Variants in SEC14L1 observed in about 807,000 individuals in gnomAD.
The protein encoded by SEC14L1 is SEC14-like protein 1.
In SEC14L1, 48 loss-of-function variants were observed where a neutral mutation model predicts 85.3. That is an observed-to-expected ratio of 0.56 (90% CI 0.45 to 0.72). The LOEUF (loss-of-function observed/expected upper bound fraction) is 0.72. Ranked by LOEUF, SEC14L1 falls within the 30% of genes least tolerant of loss-of-function variation. The pLI is 0.00. For missense variants in SEC14L1, 682 were observed against 921.4 expected (o/e 0.74, Z 3.36); for synonymous variants, 391 against 355.5 (o/e 1.10, Z -1.12).
At chr17:77,138,362 C>T (rs963952894), upstream of SEC14L1, among the ~76,000 whole-genome samples, 7 of 152,122 alleles carry the variant, frequency 4.6e-5, no homozygotes, top group Non-Finnish European at 1.0e-4. Context: ...TGGTTCACTC[C>T]TGTAATACCA....
chr17:77,172,858 G>C (rs1401323002), intron 3 of SEC14L1, among the ~76,000 whole-genome samples: 1 of 152,094 alleles, frequency 6.6e-6, no homozygotes, highest in East Asian at 1.9e-4. Context: ...GTTCTCCAAG[G>C]TCTTGCATAT....
At chr17:77,154,054 G>T (rs1441583208) in intron 3 of SEC14L1, among the ~76,000 whole-genome samples, 2 of 152,168 alleles carry the variant, frequency 1.3e-5, no homozygotes, top group Non-Finnish European at 2.9e-5. Context: ...GATCAGAAAT[G>T]TTCAGGAAAA....
At chr17:77,208,888 AC>A (rs1340231569) in intron 13 of SEC14L1, among the ~76,000 whole-genome samples, 1 of 152,206 alleles carries the variant, frequency 6.6e-6, no homozygotes, top group Non-Finnish European at 1.5e-5. Flanking sequence ...GGTGTTATAG[AC>A]CAGTCATTTG....
intron 4 of SEC14L1, 87 bp downstream of exon 4, chr17:77,191,039 G>C: frequency 6.4e-7 from 1 of 1,561,180 alleles, no homozygotes; most frequent in Non-Finnish European, 8.7e-7. Flanking sequence ...TGGAGGGAGA[G>C]GGCATCCTGG....
chr17:77,214,160 C>T lies in SEC14L1; in HGVS notation c.*137C>T, dbSNP rs530173919. On this transcript the variant is annotated 3_prime_UTR_variant, in exon 17 of 17. Transcript: ENST00000436233. The stretch of plus-strand genomic sequence containing the variant: ...TAGCAAATAGCTCTCAGATGGTAAA[C>T]GTAGTCGTTTGATCCCAAAACTACC... 529 of 1,433,918 alleles carry T rather than the reference C, an allele frequency of 3.7e-4. 7 individuals carry two copies. In the South Asian group the frequency reaches 7.3e-3, roughly 20 times the overall value. The allele number at this position is 1,433,918 out of a possible 1,614,324, so 88.8% of individuals were successfully genotyped here.
At position 77,213,978 on chromosome 17, in the gene SEC14L1, C is replaced by T. The variant is rs1367516632; in HGVS notation, c.2103C>T (p.Thr701=). The change falls in exon 17 of 17, where the codon ACC becomes ACT. Residue 701 remains threonine, a synonymous_variant. Coordinates refer to ENST00000436233, the MANE Select transcript of SEC14L1 (RefSeq NM_001143998.2). This position sits in a 1 kb window ranked among gnomAD's most constrained non-coding sequence, Gnocchi z 7.1. ...GCTTCTCCCAGCTGAGTGCCGCCAC[C>T]ACCTCCTCCAGCCAGTCCCACTCCA... ...HSGFSQLSAA[T]TSSSQSHSSS... 9 of 1,613,392 alleles carry T rather than the reference C, an allele frequency of 5.6e-6. No individual in the cohort carries two copies. The highest frequency in any genetic ancestry group is 7.6e-6 in the Non-Finnish European group (9 of 1,179,978).
At chr17:77,164,046 G>A (rs1011818947) in intron 3 of SEC14L1, among the ~76,000 whole-genome samples, 1 of 152,228 alleles carries the variant, frequency 6.6e-6, no homozygotes, top group Non-Finnish European at 1.5e-5. Flanking sequence ...TGCTTGTGTG[G>A]CAATATCTTG....
chr17:77,158,807 T>TC (rs1379207943), intron 3 of SEC14L1, among the ~76,000 whole-genome samples: 2 of 88,924 alleles, frequency 2.2e-5, no homozygotes, highest in African/African-American at 4.2e-5. Context: ...CCTTTTTTTT[T>TC]TTTTTTTTTT....
chr17:77,181,505 C>T (rs868251173), intron 3 of SEC14L1, among the ~76,000 whole-genome samples: 1 of 152,222 alleles, frequency 6.6e-6, no homozygotes, highest in Non-Finnish European at 1.5e-5. Flanking sequence ...CTCCGCCTCC[C>T]GGATTCAAGT....
chr17:77,158,692 T>C (rs1973915068), intron 3 of SEC14L1, among the ~76,000 whole-genome samples: 1 of 152,152 alleles, frequency 6.6e-6, no homozygotes, highest in African/African-American at 2.4e-5. Flanking sequence ...TGCCACATTC[T>C]GCTCATCCAT....
chr17:77,097,793 T>C (rs1299118334), intron 3 of SEC14L1, among the ~76,000 whole-genome samples: 1 of 152,114 alleles, frequency 6.6e-6, no homozygotes. Context: ...TACTCCCTCC[T>C]CTCAGAGAAC....
intron 3 of SEC14L1, among the ~76,000 whole-genome samples, chr17:77,101,155 G>T (rs759205817): frequency 1.7e-4 from 26 of 151,832 alleles, no homozygotes; most frequent in African/African-American, 5.1e-4. Flanking sequence ...CCCAAGCCTG[G>T]TTTAGTGTTA....
chr17:77,187,370 GC>G (rs111758486), intron 3 of SEC14L1, among the ~76,000 whole-genome samples: 3,612 of 148,072 alleles, frequency 0.024, 64 homozygotes, highest in African/African-American at 0.048. Flanking sequence ...ACTACCCTAT[GC>G]CCCCCCCCCA....
chr17:77,179,980 G>A (rs941553836), intron 3 of SEC14L1, among the ~76,000 whole-genome samples: 15 of 150,320 alleles, frequency 1.0e-4, no homozygotes, highest in Non-Finnish European at 1.6e-4. Flanking sequence ...CCTGGCCTAC[G>A]TATTTGTTTT....
chr17:77,100,120 C>T (rs899050767), intron 3 of SEC14L1, among the ~76,000 whole-genome samples: 7 of 152,250 alleles, frequency 4.6e-5, no homozygotes, highest in Admixed American at 2.0e-4. Context: ...GAGGAGCGGG[C>T]GTGCTGCGCT....
intron 5 of SEC14L1, among the ~76,000 whole-genome samples, chr17:77,192,195 G>T (rs534940245): frequency 1.3e-5 from 2 of 152,172 alleles, no homozygotes; most frequent in African/African-American, 4.8e-5. Context: ...GAATAGTGCC[G>T]AGAGTGTTTG....
At chr17:77,099,836 G>A (rs998294460) in intron 3 of SEC14L1, among the ~76,000 whole-genome samples, 2 of 152,058 alleles carry the variant, frequency 1.3e-5, no homozygotes, top group African/African-American at 2.4e-5. Context: ...TCACCCCTTC[G>A]AAAGTTAACG....
At chr17:77,173,178 T>G (rs1974596134) in intron 3 of SEC14L1, among the ~76,000 whole-genome samples, 1 of 152,144 alleles carries the variant, frequency 6.6e-6, no homozygotes, top group Non-Finnish European at 1.5e-5. Flanking sequence ...GCATTTAGCC[T>G]CCTCTGAGGG....
chr17:77,093,307 G>A (rs568192449), exon 3 of SEC14L1: 10 of 152,308 alleles, frequency 6.6e-5, no homozygotes, highest in African/African-American at 2.2e-4. Flanking sequence ...TGCTGGGCCT[G>A]TGTGCCTGGA....
Sources: gnomAD v4.1 joint callset for allele counts (sites outside exome capture counted in the v4.1 genomes callset) on GRCh38, gnomAD v4.1.1 for gene constraint, Gnocchi (gnomAD v3.1) non-coding constraint, MANE v1.5 for transcripts, NCBI Gene and HGNC (gene_info 2026-07-23, HGNC 2026-07-21) for gene names.